EHBP1: variants seen among roughly 807,000 people sequenced by gnomAD.
The protein encoded by EHBP1 is EH domain binding protein 1.
EHBP1 carries 55 observed loss-of-function variants against 144.0 expected under a neutral mutation model. The observed-to-expected ratio is 0.38, with a 90% CI of 0.31 to 0.48. The LOEUF is 0.48. EHBP1 is among the 20% of genes least tolerant of loss of function. The probability of loss-of-function intolerance (pLI) is 0.98; values close to 1 mark genes in which losing one functional copy is unlikely to be tolerated. For synonymous variants in EHBP1, 469 were observed against 472.7 expected (o/e 0.99, Z 0.10); for missense variants, 1,200 against 1,364.2 (o/e 0.88, Z 1.90).
At chr2:62,750,973 A>C (rs907601134) in intron 3 of EHBP1, among the ~76,000 whole-genome samples, 1 of 152,102 alleles carries the variant, frequency 6.6e-6, no homozygotes, top group Non-Finnish European at 1.5e-5. Flanking sequence ...GAATACCTTT[A>C]TTTCTTTCTC....
intron 21 of EHBP1, among the ~76,000 whole-genome samples, chr2:63,039,487 T>G (rs17657646): frequency 2.6e-5 from 4 of 152,134 alleles, no homozygotes; most frequent in Non-Finnish European, 5.9e-5. Flanking sequence ...TGAAAATGTC[T>G]TATAGTTCAA....
intron 5 of EHBP1, among the ~76,000 whole-genome samples, chr2:62,813,600 G>T (rs1172440186): frequency 1.3e-5 from 2 of 152,204 alleles, no homozygotes; most frequent in East Asian, 1.9e-4. Context: ...CAACACATGA[G>T]AGCTGCTGGG....
rs529153891 is a variant in EHBP1, at chr2:62,955,502, A to G, written c.2317-15A>G. 6 of 1,592,558 alleles carry G rather than the reference A, an allele frequency of 3.8e-6. No individual in the cohort carries two copies. Among genetic ancestry groups the G allele is most frequent in the Admixed American group, 1.8e-5 (1 of 56,436 alleles). On this transcript the variant is annotated splice_polypyrimidine_tract_variant and intron_variant, in intron 13 of 22. Transcript: ENST00000431489. ...TTTTTTTTTTGGCTTCTAATTCTGT[A>G]TCTTTGCTTTTAAGCATCGATTGTT...
intron 5 of EHBP1, among the ~76,000 whole-genome samples, chr2:62,784,287 A>G (rs910568238): frequency 6.6e-6 from 1 of 152,174 alleles, no homozygotes; most frequent in Non-Finnish European, 1.5e-5. Flanking sequence ...AAGAAGAGAA[A>G]GATTGAATTT....
chr2:62,960,915 T>G (rs562695541), intron 14 of EHBP1, among the ~76,000 whole-genome samples: 1 of 152,344 alleles, frequency 6.6e-6, no homozygotes, highest in East Asian at 1.9e-4. Context: ...GATACCTTTC[T>G]TTGTTGTTAT....
intron 14 of EHBP1, among the ~76,000 whole-genome samples, chr2:62,971,721 GAC>G (rs2058505006): frequency 1.3e-5 from 2 of 152,158 alleles, no homozygotes; most frequent in South Asian, 4.1e-4. Context: ...GAGTAAATGA[GAC>G]AACACATATA....
intron 12 of EHBP1, 43 bp downstream of exon 12, chr2:62,943,893 G>C (rs762346167): frequency 6.7e-7 from 1 of 1,487,030 alleles, no homozygotes; most frequent in Admixed American, 1.8e-5. Flanking sequence ...TTCAATTTTG[G>C]CTTCTCTGCA....
chr2:62,681,360 A>ATATAT (rs1276350365), intron 1 of EHBP1, among the ~76,000 whole-genome samples: 22 of 26,528 alleles, frequency 8.3e-4, no homozygotes, highest in East Asian at 3.1e-3. Context: ...ATATATATAT[A>ATATAT]ATGTGTATAT....
intron 5 of EHBP1, among the ~76,000 whole-genome samples, chr2:62,793,182 C>T (rs1001461818): frequency 1.3e-5 from 2 of 151,892 alleles, no homozygotes; most frequent in African/African-American, 2.4e-5. Context: ...TTAAAAGATG[C>T]CTTATGCCTA....
chr2:62,691,193 CTT>C (rs1246788737), intron 1 of EHBP1, among the ~76,000 whole-genome samples: 3 of 152,150 alleles, frequency 2.0e-5, no homozygotes, highest in African/African-American at 7.2e-5. Context: ...ACCAAAATAA[CTT>C]TGTCTTATAT....
At chr2:62,799,491 C>T (rs900421917) in intron 5 of EHBP1, among the ~76,000 whole-genome samples, 2 of 152,118 alleles carry the variant, frequency 1.3e-5, no homozygotes, top group African/African-American at 2.4e-5. Flanking sequence ...TTAAAAATCA[C>T]CTGCCTACCT....
intron 5 of EHBP1, among the ~76,000 whole-genome samples, chr2:62,786,265 T>G (rs2042797000): frequency 6.6e-6 from 1 of 152,152 alleles, no homozygotes; most frequent in Admixed American, 6.5e-5. Flanking sequence ...GCCTCTCCAT[T>G]TCCTCTCTTT....
chr2:62,894,353 T>C (rs1166211717), intron 10 of EHBP1, among the ~76,000 whole-genome samples: 1 of 152,178 alleles, frequency 6.6e-6, no homozygotes, highest in Non-Finnish European at 1.5e-5. Flanking sequence ...TTCTTCTGAA[T>C]GCACTCCTCA....
chr2:62,969,088 G>A (rs1350146580), intron 14 of EHBP1, among the ~76,000 whole-genome samples: 2 of 90,534 alleles, frequency 2.2e-5, no homozygotes, highest in South Asian at 4.3e-4. Flanking sequence ...ATTATCAAAG[G>A]GTCCTTTTTT....
intron 1 of EHBP1, among the ~76,000 whole-genome samples, chr2:62,691,187 A>G (rs2033891742): frequency 2.0e-5 from 3 of 152,202 alleles, no homozygotes; most frequent in African/African-American, 7.2e-5. Flanking sequence ...AATCCCACCA[A>G]AATAACTTTG....
At chr2:62,941,000 G>C (rs751390212) in intron 10 of EHBP1, among the ~76,000 whole-genome samples, 2 of 152,024 alleles carry the variant, frequency 1.3e-5, no homozygotes, top group Non-Finnish European at 2.9e-5. Context: ...TAATTGAATC[G>C]ATGTAATGAT....
chr2:62,707,522 CTG>C (rs2034716492), intron 2 of EHBP1, among the ~76,000 whole-genome samples: 1 of 152,180 alleles, frequency 6.6e-6, no homozygotes, highest in African/African-American at 2.4e-5. Flanking sequence ...AGGACTGTAA[CTG>C]TGAGAGCACA....
intron 10 of EHBP1, among the ~76,000 whole-genome samples, chr2:62,892,625 C>T (rs965750444): frequency 1.3e-4 from 20 of 152,028 alleles, no homozygotes; most frequent in Non-Finnish European, 2.8e-4. Flanking sequence ...TTTAATTCTA[C>T]GTAGCAAAAC....
chr2:63,026,628 T>G (rs1169187173), intron 19 of EHBP1, among the ~76,000 whole-genome samples: 2 of 152,178 alleles, frequency 1.3e-5, no homozygotes, highest in African/African-American at 4.8e-5. Context: ...GGCAGAGTAT[T>G]CTTGCTTGGC....
Sources: allele counts gnomAD v4.1 joint callset (sites outside exome capture counted in the v4.1 genomes callset), GRCh38; gene constraint gnomAD v4.1.1; transcripts MANE v1.5; gene names NCBI Gene and HGNC (gene_info 2026-07-23, HGNC 2026-07-21).